The following ARHGEF4 variants were observed in gnomAD, a reference collection of about 807,000 sequenced individuals.
ARHGEF4 encodes the protein APC-stimulated guanine nucleotide exchange factor 1.
Under a neutral mutation model 162.0 loss-of-function variants are expected in ARHGEF4, and 119 were observed. The observed-to-expected ratio is 0.73, with a 90% CI of 0.63 to 0.86. The LOEUF (loss-of-function observed/expected upper bound fraction) is 0.86. ARHGEF4 is among the 40% of genes least tolerant of loss of function. The probability of loss-of-function intolerance (pLI) is 0.00; values close to 1 mark genes in which losing one functional copy is unlikely to be tolerated. For missense variants in ARHGEF4, 2,488 were observed against 2,456.0 expected (o/e 1.01, Z -0.28); for synonymous variants, 1,014 against 979.9 (o/e 1.03, Z -0.65).
intron 3 of ARHGEF4, among the ~76,000 whole-genome samples, chr2:130,935,020 T>C (rs955815308): frequency 1.3e-5 from 2 of 152,156 alleles, no homozygotes; most frequent in Non-Finnish European, 2.9e-5. Context: ...TTTTAGTAAT[T>C]TGTATTTTCT....
intron 5 of ARHGEF4, chr2:131,035,263 G>A: frequency 8.2e-7 from 1 of 1,221,688 alleles, no homozygotes; most frequent in Non-Finnish European, 1.0e-6. Context: ...CTTCCGCTGA[G>A]CGGCCGCGCA....
chr2:130,842,198 T>C (rs1174754913), intron 1 of ARHGEF4, among the ~76,000 whole-genome samples: 2 of 152,140 alleles, frequency 1.3e-5, no homozygotes, highest in Non-Finnish European at 1.5e-5. Flanking sequence ...CATAACAGCC[T>C]GAAGCAGCCA....
rs577450333 is a variant in ARHGEF4 at position 130,937,760 on chromosome 2, C to T, written c.3858+6503C>T. Among the ~76,000 whole-genome samples the T allele has an allele frequency of 1.8e-4, 28 of 151,894 alleles. 1 individual carries two copies. The highest frequency in any genetic ancestry group is 3.8e-4 in the Non-Finnish European group (26 of 67,956). On this transcript the variant is annotated intron_variant, in intron 3 of 13. Coordinates refer to ENST00000409359, the MANE Select transcript of ARHGEF4 (RefSeq NM_001367493.1). ...TCGGCTCACTGCAAGCTCTGCCTCC[C>T]GGGTTCACACCATTCTCCTGCCTCA...
chr2:130,986,158 T>A (rs1482853448), intron 4 of ARHGEF4, among the ~76,000 whole-genome samples: 1 of 152,112 alleles, frequency 6.6e-6, no homozygotes, highest in African/African-American at 2.4e-5. Flanking sequence ...TGGTGTGTGT[T>A]GCATGTGTAT....
rs184094169 is a variant in ARHGEF4, at chr2:131,008,646, A to T, written c.3986-19299A>T. On this transcript the variant is annotated intron_variant, in intron 4 of 13. Coordinates refer to ENST00000409359, the MANE Select transcript of ARHGEF4 (RefSeq NM_001367493.1). ...GTTTTGGATTAATTGGATCTTTTTT[A>T]AAAAAATCCTATCTTTATTATTGGC... 2.7e-4 allele frequency among the ~76,000 whole-genome samples: 40 copies of T among 149,750 alleles called. No individual in the cohort carries two copies. In the East Asian group the frequency reaches 5.1e-3, roughly 19 times the overall value.
At chr2:130,839,975 G>A (rs1392120097) in intron 1 of ARHGEF4, among the ~76,000 whole-genome samples, 1 of 152,186 alleles carries the variant, frequency 6.6e-6, no homozygotes, top group Non-Finnish European at 1.5e-5. Context: ...AAAGGTCAAG[G>A]TCTTTGTTGG....
chr2:130,971,660 A>G lies in ARHGEF4; in HGVS notation c.3985+25025A>G, dbSNP rs1026822154. On this transcript the variant is annotated intron_variant, in intron 4 of 13. Transcript: ENST00000409359. ...GCAACAGTGGGAGACTGTCTCAAAAAAAAAAAAAAAAAAAAAGAATCAACT... is the reference window on the plus strand; with the variant it reads ...GCAACAGTGGGAGACTGTCTCAAAAGAAAAAAAAAAAAAAAAGAATCAACT... Among the ~76,000 whole-genome samples, 127 of 150,824 alleles carry G rather than the reference A, an allele frequency of 8.4e-4. 1 individual carries two copies. The highest frequency in any genetic ancestry group is 2.8e-3 in the African/African-American group (115 of 40,690).
At chr2:130,861,033 A>G (rs1681989180) in intron 1 of ARHGEF4, among the ~76,000 whole-genome samples, 1 of 109,420 alleles carries the variant, frequency 9.1e-6, no homozygotes, top group Non-Finnish European at 1.7e-5. Context: ...AAAAAAAAAA[A>G]GCATTAAAAA....
chr2:131,008,004 G>C (rs1263269651), intron 4 of ARHGEF4, among the ~76,000 whole-genome samples: 1 of 151,356 alleles, frequency 6.6e-6, no homozygotes, highest in Non-Finnish European at 1.5e-5. Flanking sequence ...GTAGAGACAG[G>C]GTTTCGCCAT....
At chr2:130,955,592 A>G (rs980442476) in intron 4 of ARHGEF4, among the ~76,000 whole-genome samples, 5 of 152,108 alleles carry the variant, frequency 3.3e-5, no homozygotes, top group African/African-American at 4.8e-5. Flanking sequence ...GCTCTCTTCT[A>G]TATTTCTCTG....
chr2:131,029,473 C>T (rs1330404220), intron 5 of ARHGEF4, among the ~76,000 whole-genome samples: 2 of 152,068 alleles, frequency 1.3e-5, no homozygotes, highest in African/African-American at 2.4e-5. Flanking sequence ...AGTGCCTCTT[C>T]GTAAGCTACT....
At chr2:130,948,672 A>G (rs1178381435) in intron 4 of ARHGEF4, among the ~76,000 whole-genome samples, 1 of 152,268 alleles carries the variant, frequency 6.6e-6, no homozygotes, top group Admixed American at 6.5e-5. Context: ...ACCAAGGGCA[A>G]TGCTCTGGAA....
intron 1 of ARHGEF4, among the ~76,000 whole-genome samples, chr2:130,905,987 T>C (rs1680789155): frequency 6.6e-6 from 1 of 152,246 alleles, no homozygotes; most frequent in Admixed American, 6.5e-5. Flanking sequence ...ACTTTATTCT[T>C]TGGATTATAA....
At chr2:131,013,418 G>A (rs1156413350) in intron 4 of ARHGEF4, among the ~76,000 whole-genome samples, 1 of 152,130 alleles carries the variant, frequency 6.6e-6, no homozygotes, top group East Asian at 1.9e-4. Context: ...TGTGCTGAAG[G>A]CCTGATGATG....
At position 130,916,836 on chromosome 2, in the gene ARHGEF4, C is replaced by G; in HGVS notation, c.2890C>G (p.Pro964Ala). 1 of 1,550,374 alleles carries G rather than the reference C, an allele frequency of 6.5e-7. No homozygotes were observed. The highest frequency in any genetic ancestry group is 8.7e-7 in the Non-Finnish European group (1 of 1,146,968). ...AFLKSKDAGS[P>A]KKPTLVSLPL... ...TCTGAAAAGCAAAGATGCCGGAAGC[C>G]CCAAAAAGCCCACCCTAGTGAGTCT... is the stretch of plus-strand genomic sequence containing the variant. Residue 964 changes from proline to alanine, a missense_variant, in exon 2 of 14, where the codon CCC (proline) becomes GCC (alanine). Physicochemically the swap from Pro to Ala is conservative, Grantham distance 27. Coordinates refer to ENST00000409359, the MANE Select transcript of ARHGEF4 (RefSeq NM_001367493.1).
Position 130,915,860 on chromosome 2 carries a change from G to C in ARHGEF4, c.1914G>C (p.Gln638His). The change falls in exon 2 of 14, where the codon CAG becomes CAC. Residue 638 changes from glutamine (Q) to histidine (H), a missense_variant. Gln to His is a conservative substitution (Grantham distance 24). This residue lies in a region of ARHGEF4 where 1,642 missense variants were observed against 1,481.5 expected (regional missense o/e 1.11). Transcript: ENST00000409359. Reference sequence around the variant, plus strand: ...CCCTCATCATTGTAGCTGTGGAGCAGAAAGGTCTTCAGGCCAGCAGGAGCA... The same window carrying C: ...CCCTCATCATTGTAGCTGTGGAGCACAAAGGTCTTCAGGCCAGCAGGAGCA... ...RGALIIVAVE[Q>H]KGLQASRSNA... 6.5e-7 allele frequency: 1 copy of C among 1,545,570 alleles called. No individual in the cohort carries two copies. The highest frequency in any genetic ancestry group is 8.7e-7 in the Non-Finnish European group (1 of 1,144,620).
At chr2:131,013,610 A>T (rs1200858780) in intron 4 of ARHGEF4, among the ~76,000 whole-genome samples, 1 of 152,090 alleles carries the variant, frequency 6.6e-6, no homozygotes, top group Non-Finnish European at 1.5e-5. Flanking sequence ...TGATTGATTG[A>T]TTGATTTTGA....
intron 2 of ARHGEF4, 53 bp downstream of exon 2, chr2:130,917,551 G>T: frequency 6.7e-7 from 1 of 1,488,426 alleles, no homozygotes; most frequent in African/African-American, 1.4e-5. Flanking sequence ...GCAAGAGAAG[G>T]AGGGGAGCAG....
intron 1 of ARHGEF4, among the ~76,000 whole-genome samples, chr2:130,856,455 C>T (rs1364819514): frequency 6.6e-6 from 1 of 152,178 alleles, no homozygotes; most frequent in Non-Finnish European, 1.5e-5. Context: ...TAATTTGTTG[C>T]TAGCAGATTT....
Sources: allele counts gnomAD v4.1 joint callset (sites outside exome capture counted in the v4.1 genomes callset), GRCh38; gene constraint gnomAD v4.1.1; regional missense constraint gnomAD v4.1.1; transcripts MANE v1.5; gene names NCBI Gene and HGNC (gene_info 2026-07-23, HGNC 2026-07-21).